ZNF536: variants seen among roughly 807,000 people sequenced by gnomAD.
ZNF536 encodes the protein zinc finger protein 536.
A neutral mutation model predicts 84.5 loss-of-function variants in ZNF536; 13 were observed. The ratio of observed to expected loss-of-function variants is 0.15; its 90% CI spans 0.10 to 0.24. The LOEUF (loss-of-function observed/expected upper bound fraction) is 0.24, where lower values mean the gene tolerates loss of function less well. Among genes scored for constraint, ZNF536 ranks in the 10% least tolerant of loss-of-function variants. The pLI is 1.00. For synonymous variants in ZNF536, 811 were observed against 742.5 expected (o/e 1.09, Z -1.50); for missense variants, 1,536 against 1,747.5 (o/e 0.88, Z 2.16).
At chr19:30,499,033 C>T (rs923798441) in intron 2 of ZNF536, among the ~76,000 whole-genome samples, 13 of 134,452 alleles carry the variant, frequency 9.7e-5, no homozygotes, top group Non-Finnish European at 1.3e-4. Context: ...TCTTTTTCTT[C>T]TTTTTTTTTT....
intron 1 of ZNF536, among the ~76,000 whole-genome samples, chr19:30,703,102 C>T (rs2148013817): frequency 6.6e-6 from 1 of 152,232 alleles, no homozygotes; most frequent in African/African-American, 2.4e-5. Context: ...TGCATGGAGG[C>T]CTGGAGGATG....
At chr19:30,539,082 GAAAAGAAAAGA>G (rs780149930) in intron 3 of ZNF536, among the ~76,000 whole-genome samples, 5 of 150,920 alleles carry the variant, frequency 3.3e-5, no homozygotes, top group Non-Finnish European at 4.4e-5. Context: ...AGGAAAGAAA[GAAAAGAAAAGA>G]AAAAGAAAAG....
At chr19:30,245,768 G>T (rs557510653) in intron 1 of ZNF536, among the ~76,000 whole-genome samples, 1 of 152,360 alleles carries the variant, frequency 6.6e-6, no homozygotes, top group South Asian at 2.1e-4. Flanking sequence ...TTAATCAAGG[G>T]TGTTTATTCT....
chr19:30,337,997 G>C (rs1258243764), intron 2 of ZNF536, among the ~76,000 whole-genome samples: 2 of 151,338 alleles, frequency 1.3e-5, no homozygotes, highest in Non-Finnish European at 2.9e-5. Flanking sequence ...GATGATGATG[G>C]TGATTGTGAT....
At chr19:30,660,568 C>A (rs977291435) in intron 1 of ZNF536, among the ~76,000 whole-genome samples, 2 of 152,208 alleles carry the variant, frequency 1.3e-5, no homozygotes, top group African/African-American at 4.8e-5. Context: ...AAATATCTAT[C>A]ACCGTTATAT....
At chr19:30,539,635 C>G (rs1294486216) in intron 3 of ZNF536, among the ~76,000 whole-genome samples, 2 of 152,210 alleles carry the variant, frequency 1.3e-5, no homozygotes, top group Non-Finnish European at 2.9e-5. Flanking sequence ...CAGGATTGGT[C>G]TCCATGCACC....
chr19:30,501,708 AATT>A (rs2145323630), intron 2 of ZNF536, among the ~76,000 whole-genome samples: 1 of 152,238 alleles, frequency 6.6e-6, no homozygotes, highest in East Asian at 1.9e-4. Flanking sequence ...GGATTGCAAT[AATT>A]ATTTATCTTG....
chr19:30,595,153 C>T (rs1211000501), intron 1 of ZNF536, among the ~76,000 whole-genome samples: 1 of 152,212 alleles, frequency 6.6e-6, no homozygotes, highest in East Asian at 1.9e-4. Flanking sequence ...GTCTGAATTC[C>T]AGGCCTGGCC....
chr19:30,481,041 A>T (rs926310942), intron 2 of ZNF536, among the ~76,000 whole-genome samples: 1 of 152,024 alleles, frequency 6.6e-6, no homozygotes, highest in Non-Finnish European at 1.5e-5. Context: ...AAAAAAAAAA[A>T]AAAGGGTGGG....
intron 1 of ZNF536, among the ~76,000 whole-genome samples, chr19:30,268,043 G>A (rs1040922084): frequency 1.3e-4 from 5 of 37,824 alleles, no homozygotes; most frequent in South Asian, 8.5e-4. Flanking sequence ...TCCTCCCCCC[G>A]CCTCCCTCCC....
At chr19:30,710,219 T>C (rs1430699945) in intron 1 of ZNF536, among the ~76,000 whole-genome samples, 1 of 152,162 alleles carries the variant, frequency 6.6e-6, no homozygotes, top group Admixed American at 6.6e-5. Context: ...GGGAGACTTA[T>C]CTTCAATTAC....
intron 2 of ZNF536, among the ~76,000 whole-genome samples, chr19:30,533,519 CA>C (rs111353893): frequency 0.076 from 9,049 of 118,904 alleles, 587 homozygotes; most frequent in African/African-American, 0.21. Context: ...GACGCTGTCT[CA>C]AAAAAAAAAA....
chr19:30,369,139 G>A (rs531845268), upstream of ZNF536, among the ~76,000 whole-genome samples: 15 of 152,284 alleles, frequency 9.9e-5, no homozygotes, highest in South Asian at 4.1e-4. Flanking sequence ...TGGCAGCCAC[G>A]CAGACATCCC....
chr19:30,282,912 G>C (rs2045502201), intron 1 of ZNF536, among the ~76,000 whole-genome samples: 1 of 152,226 alleles, frequency 6.6e-6, no homozygotes, highest in Non-Finnish European at 1.5e-5. Flanking sequence ...AAGATAGGCA[G>C]GTAGAAATGT....
intron 2 of ZNF536, among the ~76,000 whole-genome samples, chr19:30,466,610 A>G (rs2053411562): frequency 8.1e-6 from 1 of 123,580 alleles, no homozygotes; most frequent in Non-Finnish European, 1.7e-5. Context: ...GAGAAAGAAA[A>G]GAGAACTTAC....
chr19:30,460,563 G>A (rs576180533), intron 2 of ZNF536, among the ~76,000 whole-genome samples: 2 of 152,314 alleles, frequency 1.3e-5, no homozygotes, highest in African/African-American at 2.4e-5. Flanking sequence ...TTCTCCAGGA[G>A]TCCATTCCTG....
intron 3 of ZNF536, among the ~76,000 whole-genome samples, chr19:30,359,101 C>T (rs772755682): frequency 4.6e-5 from 7 of 152,240 alleles, no homozygotes; most frequent in South Asian, 2.1e-4. Flanking sequence ...TCCAGGTTTT[C>T]GGAGTTTTAA....
intron 1 of ZNF536, among the ~76,000 whole-genome samples, chr19:30,263,134 T>A (rs140639136): frequency 6.6e-6 from 1 of 152,136 alleles, no homozygotes; most frequent in Non-Finnish European, 1.5e-5. Flanking sequence ...GGGAGCAGCA[T>A]GGTGCAGCTC....
At chr19:30,546,471 A>T (rs1052910303) in intron 3 of ZNF536, among the ~76,000 whole-genome samples, 1 of 152,202 alleles carries the variant, frequency 6.6e-6, no homozygotes, top group Non-Finnish European at 1.5e-5. Context: ...CAGGCAGGGT[A>T]ACCACGGTTC....
Sources: gnomAD v4.1 joint callset for allele counts (sites outside exome capture counted in the v4.1 genomes callset) on GRCh38, gnomAD v4.1.1 for gene constraint, MANE v1.5 for transcripts, NCBI Gene and HGNC (gene_info 2026-07-23, HGNC 2026-07-21) for gene names.